The following SHANK2 variants were observed in gnomAD, a reference collection of about 807,000 sequenced individuals.
SHANK2 encodes SH3 and multiple ankyrin repeat domains protein 2.
Under a neutral mutation model 133.7 loss-of-function variants are expected in SHANK2, and 43 were observed. That is an observed-to-expected ratio of 0.32 (90% confidence interval 0.25 to 0.41). SHANK2 has a LOEUF of 0.41. Among genes scored for constraint, SHANK2 ranks in the 10% least tolerant of loss-of-function variants. SHANK2 has a pLI of 1.00. For synonymous variants in SHANK2, 1,017 were observed against 952.8 expected, an observed-to-expected ratio of 1.07 and a Z score of -1.24; for missense variants, 1,994 against 2,235.8, an observed-to-expected ratio of 0.89 and a Z score of 2.18.
rs888793171 is a variant in SHANK2, at chr11:71,087,653, A to T, written c.912+4769T>A. 5.7e-4 allele frequency among the ~76,000 whole-genome samples: 87 copies of T among 151,850 alleles called. 1 individual carries two copies. Among genetic ancestry groups the T allele is most frequent in the Middle Eastern group, 3.4e-3 (1 of 294 alleles). On this transcript the variant is annotated intron_variant, in intron 8 of 25. Coordinates refer to ENST00000601538, the MANE Select transcript of SHANK2 (RefSeq NM_012309.5). Reference sequence around the variant, plus strand: ...TTGTTGTTGTTGTTGTTGTTGTTGTAGTTTTGCTCTTATTGTCCAGGCTGA... The same window carrying T: ...TTGTTGTTGTTGTTGTTGTTGTTGTTGTTTTGCTCTTATTGTCCAGGCTGA...
At chr11:71,204,031 C>G (rs782099657) in intron 2 of SHANK2, among the ~76,000 whole-genome samples, 2 of 152,142 alleles carry the variant, frequency 1.3e-5, no homozygotes, top group Non-Finnish European at 2.9e-5. Context: ...TGTGATGAAC[C>G]CTGCCTGTCG....
chr11:70,764,199 C>T (rs1565300748), intron 14 of SHANK2, among the ~76,000 whole-genome samples: 2 of 148,428 alleles, frequency 1.3e-5, no homozygotes, highest in South Asian at 4.4e-4. Context: ...CCCATCCACC[C>T]ATGCATCCAC....
At chr11:70,531,781 C>T (rs1318212576) in intron 17 of SHANK2, among the ~76,000 whole-genome samples, 1 of 152,184 alleles carries the variant, frequency 6.6e-6, no homozygotes, top group Non-Finnish European at 1.5e-5. Context: ...AGTGGCTTCT[C>T]CACACCTGGT....
intron 13 of SHANK2, among the ~76,000 whole-genome samples, chr11:70,801,542 G>A (rs1555050514): frequency 1.3e-5 from 2 of 152,224 alleles, no homozygotes; most frequent in African/African-American, 4.8e-5. Flanking sequence ...CATATGGTGA[G>A]GAAGGGGCTG....
chr11:70,631,397 CA>C (rs2060986792), intron 17 of SHANK2, among the ~76,000 whole-genome samples: 7 of 150,220 alleles, frequency 4.7e-5, no homozygotes, highest in Non-Finnish European at 8.9e-5. Context: ...CACACACACA[CA>C]CACACACACA....
intron 11 of SHANK2, among the ~76,000 whole-genome samples, chr11:70,868,642 ACAGT>A (rs1949410579): frequency 6.6e-6 from 1 of 152,196 alleles, no homozygotes; most frequent in Non-Finnish European, 1.5e-5. Context: ...CACATCTTAC[ACAGT>A]CAGCCTCACA....
At chr11:70,848,007 T>C (rs1162656049) in intron 11 of SHANK2, among the ~76,000 whole-genome samples, 1 of 152,220 alleles carries the variant, frequency 6.6e-6, no homozygotes, top group Non-Finnish European at 1.5e-5. Flanking sequence ...TGGCTTCATC[T>C]TGCTAGAAGG....
chr11:70,730,394 C>T (rs930682074), intron 14 of SHANK2, among the ~76,000 whole-genome samples: 2 of 152,152 alleles, frequency 1.3e-5, no homozygotes, highest in South Asian at 4.1e-4. Flanking sequence ...ATGATCTCAT[C>T]ACAAATAGAT....
rs1951411944 is a variant in SHANK2 at position 71,086,252 on chromosome 11, T to C, written c.912+6170A>G. On this transcript the variant is annotated intron_variant, in intron 8 of 25. Transcript: ENST00000601538. ...TTAAATTATATAATATATTATGTTA[T>C]ATATGTTATATATTATATATGTTAT... 2.4e-4 allele frequency among the ~76,000 whole-genome samples: 13 copies of C among 54,582 alleles called. 1 individual carries two copies. Among genetic ancestry groups the C allele is most frequent in the Non-Finnish European group, 3.0e-5 (1 of 32,986 alleles). The allele number at this position is 54,582 out of a possible 152,430, so 35.8% of individuals were successfully genotyped here.
At chr11:70,676,597 G>A (rs1208014596) in intron 15 of SHANK2, among the ~76,000 whole-genome samples, 1 of 152,240 alleles carries the variant, frequency 6.6e-6, no homozygotes, top group African/African-American at 2.4e-5. Context: ...CACTGTGAGT[G>A]AGGTTTTTTA....
intron 11 of SHANK2, among the ~76,000 whole-genome samples, chr11:70,872,601 G>T (rs1555070406): frequency 6.6e-6 from 1 of 151,836 alleles, no homozygotes; most frequent in Non-Finnish European, 1.5e-5. Flanking sequence ...ATACAGAGGG[G>T]CCCCCCACAG....
chr11:70,922,325 A>AG (rs1950363733), intron 10 of SHANK2, among the ~76,000 whole-genome samples: 2 of 152,240 alleles, frequency 1.3e-5, no homozygotes, highest in Non-Finnish European at 2.9e-5. Flanking sequence ...CTAGAAGGAG[A>AG]GATGAAAAAT....
At chr11:71,191,303 C>T (rs1555115379) in intron 2 of SHANK2, among the ~76,000 whole-genome samples, 1 of 152,164 alleles carries the variant, frequency 6.6e-6, no homozygotes, top group East Asian at 1.9e-4. Context: ...CTGCATATCA[C>T]CTCAGATGTC....
chr11:70,640,399 G>A (rs1307301105), intron 17 of SHANK2, among the ~76,000 whole-genome samples: 2 of 152,168 alleles, frequency 1.3e-5, no homozygotes, highest in Non-Finnish European at 2.9e-5. Flanking sequence ...ACGGGAAGCC[G>A]GAAGAGGCTG....
chr11:70,884,459 T>C (rs1158465729), intron 11 of SHANK2, among the ~76,000 whole-genome samples: 1 of 152,190 alleles, frequency 6.6e-6, no homozygotes, highest in Non-Finnish European at 1.5e-5. Flanking sequence ...CTTTGTTTGG[T>C]TTGGAACTTT....
chr11:70,624,726 G>A (rs1554999282), intron 17 of SHANK2, among the ~76,000 whole-genome samples: 1 of 152,128 alleles, frequency 6.6e-6, no homozygotes, highest in Non-Finnish European at 1.5e-5. Context: ...AGGCCAGGCT[G>A]CTGCTGGACA....
chr11:70,654,765 T>C lies in SHANK2; in HGVS notation c.2061+5063A>G, dbSNP rs112977000. On this transcript the variant is annotated intron_variant, in intron 17 of 25. Transcript: ENST00000601538. ...AATTGCTACCTGGTTTTGTTTTTGT[T>C]TTTTTTGTTTTTTTTTTTTTGAGAC... 2.2e-3 allele frequency among the ~76,000 whole-genome samples: 321 copies of C among 147,556 alleles called. 1 individual carries two copies. Among genetic ancestry groups the C allele is most frequent in the African/African-American group, 8.3e-3 (311 of 37,574 alleles).
At chr11:70,835,770 G>A (rs1948805013) in intron 11 of SHANK2, among the ~76,000 whole-genome samples, 1 of 152,120 alleles carries the variant, frequency 6.6e-6, no homozygotes, top group Non-Finnish European at 1.5e-5. Flanking sequence ...CAGGGTTCTG[G>A]GACTCAGTTT....
intron 2 of SHANK2, among the ~76,000 whole-genome samples, chr11:71,150,388 G>A (rs1952774543): frequency 8.2e-6 from 1 of 122,118 alleles, no homozygotes; most frequent in Non-Finnish European, 1.8e-5. Context: ...GGGAGGGAGA[G>A]GGAGGGACAG....
Sources: allele counts gnomAD v4.1 joint callset (sites outside exome capture counted in the v4.1 genomes callset), GRCh38; gene constraint gnomAD v4.1.1; transcripts MANE v1.5; gene names NCBI Gene and HGNC (gene_info 2026-07-23, HGNC 2026-07-21).